The following PVALB variants were observed in gnomAD, a reference collection of about 807,000 sequenced individuals.
PVALB encodes the protein parvalbumin.
Under a neutral mutation model 10.9 loss-of-function variants are expected in PVALB, and 11 were observed. That is an observed-to-expected ratio of 1.01 (90% CI 0.63 to 1.67). The LOEUF is 1.67. PVALB is among the 40% of genes most tolerant of loss of function. The probability of loss-of-function intolerance (pLI) is 0.00; values close to 1 mark genes in which losing one functional copy is unlikely to be tolerated. For missense variants in PVALB, 131 were observed against 136.2 expected (o/e 0.96, Z 0.19); for synonymous variants, 57 against 50.7 (o/e 1.12, Z -0.53).
At chr22:36,807,901 C>A (rs555511689) in intron 3 of PVALB, among the ~76,000 whole-genome samples, 39 of 152,298 alleles carry the variant, frequency 2.6e-4, no homozygotes, top group African/African-American at 8.4e-4. Context: ...TTCAGGCATG[C>A]GAGTGAGTGG....
chr22:36,802,916 C>T (rs1346597316), intron 3 of PVALB, among the ~76,000 whole-genome samples: 2 of 152,144 alleles, frequency 1.3e-5, no homozygotes, highest in African/African-American at 4.8e-5. Flanking sequence ...AGAATCCCTC[C>T]CATAGGGCAG....
rs750584015 is a variant in PVALB, at chr22:36,815,239, TG to T, written c.62-5del. On this transcript the variant is annotated splice_polypyrimidine_tract_variant and splice_region_variant and intron_variant, in intron 1 of 3. Transcript: ENST00000417718. ...TTGTGGTCGAAGGAGTCGGTAGCTG[TG>T]GGGGGAAGAGCAGGGTCAAACAAGG... 1.2e-6 allele frequency: 2 copies of T among 1,613,760 alleles called. No homozygotes were observed. Among genetic ancestry groups the T allele is most frequent in the African/African-American group, 2.7e-5 (2 of 74,848 alleles).
rs369864586 is a variant in PVALB at position 36,813,627 on chromosome 22, C to G, written c.304+19G>C. 2.5e-6 allele frequency: 4 copies of G among 1,580,364 alleles called. No individual in the cohort carries two copies. The highest frequency in any genetic ancestry group is 2.2e-5 in the South Asian group (2 of 90,344). On this transcript the variant is annotated intron_variant, in intron 3 of 3. Coordinates refer to ENST00000417718, the MANE Select transcript of PVALB (RefSeq NM_001315532.2). ...CCAAGATCCACAATATGCCCAGACC[C>G]CAGGTCACGGCTACCCACCGTCAAC... is the stretch of plus-strand genomic sequence containing the variant.
chr22:36,801,532 G>A (rs1938864942), intron 3 of PVALB, among the ~76,000 whole-genome samples: 1 of 152,210 alleles, frequency 6.6e-6, no homozygotes, highest in Non-Finnish European at 1.5e-5. Context: ...GGGCACAGTG[G>A]CTCACGCGTG....
chr22:36,816,431 T>C (rs1174944823), intron 1 of PVALB: 1 of 153,082 alleles, frequency 6.5e-6, no homozygotes, highest in African/African-American at 2.4e-5. Flanking sequence ...GAAGGTCACC[T>C]CGCCCGCAGG....
chr22:36,811,431 G>T (rs1939044994), intron 3 of PVALB: 2 of 469,704 alleles, frequency 4.3e-6, no homozygotes, highest in Admixed American at 2.4e-5. Context: ...AGGAGTAGCT[G>T]CTCAGGGGCA....
chr22:36,817,225 C>T (rs1436543314), upstream of PVALB: 1 of 370,496 alleles, frequency 2.7e-6, no homozygotes. Flanking sequence ...GCGCGCGGAC[C>T]TGCTACCACT....
At chr22:36,807,901 C>T (rs555511689) in intron 3 of PVALB, among the ~76,000 whole-genome samples, 19 of 152,180 alleles carry the variant, frequency 1.2e-4, no homozygotes, top group Non-Finnish European at 1.9e-4. Context: ...TTCAGGCATG[C>T]GAGTGAGTGG....
chr22:36,806,247 C>T (rs938321131), intron 3 of PVALB, among the ~76,000 whole-genome samples: 6 of 152,160 alleles, frequency 3.9e-5, no homozygotes, highest in Admixed American at 6.5e-5. Flanking sequence ...GCCCAAGACC[C>T]TCTGGGGCCA....
chr22:36,815,984 C>G (rs1256014002), intron 1 of PVALB, among the ~76,000 whole-genome samples: 3 of 151,898 alleles, frequency 2.0e-5, no homozygotes, highest in Non-Finnish European at 4.4e-5. Context: ...CTGCAATTTT[C>G]TGTATCTTGG....
intron 3 of PVALB, among the ~76,000 whole-genome samples, chr22:36,806,280 C>T (rs747373822): frequency 1.9e-4 from 29 of 152,174 alleles, no homozygotes; most frequent in Non-Finnish European, 2.2e-4. Flanking sequence ...CATCATTGTC[C>T]AACCAGAAAG....
At chr22:36,818,936 C>T (rs1473053843), upstream of PVALB, among the ~76,000 whole-genome samples, 1 of 152,188 alleles carries the variant, frequency 6.6e-6, no homozygotes, top group Admixed American at 6.5e-5. Context: ...AGCAGCTACC[C>T]TGTGGCAAAG....
At chr22:36,804,718 A>G (rs1356251265) in intron 3 of PVALB, among the ~76,000 whole-genome samples, 1 of 152,110 alleles carries the variant, frequency 6.6e-6, no homozygotes, top group Non-Finnish European at 1.5e-5. Flanking sequence ...GGCAGATCAC[A>G]AGGTCAGGAG....
In PVALB at chr22:36,813,292, G is replaced by C. The variant is rs1246395293; in HGVS notation, c.304+354C>G. ...GGAGACAGAGGCCCAGCGATCGAGA[G>C]ACACTGCCCAAGGTCACACAGCCAG... is the stretch of plus-strand genomic sequence containing the variant. On this transcript the variant is annotated intron_variant, in intron 3 of 3. Transcript: ENST00000417718. 2.6e-5 allele frequency among the ~76,000 whole-genome samples: 4 copies of C among 152,188 alleles called. No homozygotes were observed. The South Asian group carries it at 6.2e-4, about 24-fold the overall frequency.
In PVALB at chr22:36,800,900, G is replaced by C; in HGVS notation, c.323C>G (p.Ala108Gly). Residue 108 changes from alanine to glycine, a missense_variant, in exon 4 of 4, where the codon GCT becomes GGT. Physicochemically the swap from Ala to Gly is moderately conservative, Grantham distance 60. Coordinates refer to ENST00000417718, the MANE Select transcript of PVALB (RefSeq NM_001315532.2). The part of the protein sequence containing the change: ...IGVDEFSTLV[A>G]ES ...GGCAGTCAGTGCTTCTTAGCTTTCA[G>C]CCACCAGAGTGGAGAATTCTGCAGA... 6.2e-7 allele frequency: 1 copy of C among 1,611,560 alleles called. No homozygotes were observed. The highest frequency in any genetic ancestry group is 8.5e-7 in the Non-Finnish European group (1 of 1,177,784).
chr22:36,806,071 T>C (rs1372315308), intron 3 of PVALB, among the ~76,000 whole-genome samples: 1 of 152,046 alleles, frequency 6.6e-6, no homozygotes, highest in Non-Finnish European at 1.5e-5. Context: ...CATAAGATAA[T>C]GGAGAAGGAG....
At chr22:36,802,598 T>TCA (rs747492230) in intron 3 of PVALB, among the ~76,000 whole-genome samples, 14,035 of 73,522 alleles carry the variant, frequency 0.19, 2,123 homozygotes, top group East Asian at 0.45. Flanking sequence ...AGACTCCATC[T>TCA]CACACAAAAA....
At chr22:36,811,743 T>C (rs1456259876) in intron 3 of PVALB, among the ~76,000 whole-genome samples, 1 of 152,088 alleles carries the variant, frequency 6.6e-6, no homozygotes. Context: ...AGGGTTCAGA[T>C]GGGAGCCAGG....
intron 3 of PVALB, among the ~76,000 whole-genome samples, chr22:36,803,857 G>A (rs1401455268): frequency 6.6e-6 from 1 of 152,196 alleles, no homozygotes. Context: ...AAGGTGAGGT[G>A]TCAGGGTCAT....
Sources: gnomAD v4.1 joint callset for allele counts (sites outside exome capture counted in the v4.1 genomes callset) on GRCh38, gnomAD v4.1.1 for gene constraint, MANE v1.5 for transcripts, NCBI Gene and HGNC (gene_info 2026-07-23, HGNC 2026-07-21) for gene names.